The following SOX6 variants were observed in gnomAD, a reference collection of about 807,000 sequenced individuals.
The protein encoded by SOX6 is transcription factor SOX-6.
A neutral mutation model predicts 97.8 loss-of-function variants in SOX6; 11 were observed. The observed-to-expected ratio is 0.11, with a 90% CI of 0.07 to 0.19. The LOEUF is 0.19. SOX6 is among the 10% of genes least tolerant of loss of function. The pLI, the probability that SOX6 is intolerant of heterozygous loss-of-function variation, is 1.00. For synonymous variants in SOX6, 360 were observed against 371.4 expected, an observed-to-expected ratio of 0.97 and a Z score of 0.35; for missense variants, 810 against 1,039.5, an observed-to-expected ratio of 0.78 and a Z score of 3.04.
At chr11:16,141,140 A>G (rs190660775) in intron 6 of SOX6, among the ~76,000 whole-genome samples, 1 of 152,118 alleles carries the variant, frequency 6.6e-6, no homozygotes, top group Non-Finnish European at 1.5e-5. Context: ...CTTCATGCTC[A>G]TGCTCAGTAT....
At chr11:16,713,637 C>A (rs1427967216) in intron 3 of SOX6, among the ~76,000 whole-genome samples, 3 of 152,068 alleles carry the variant, frequency 2.0e-5, no homozygotes, top group African/African-American at 7.2e-5. Context: ...AGCAAAGTAT[C>A]TAGAGTTAAT....
intron 4 of SOX6, among the ~76,000 whole-genome samples, chr11:16,537,132 G>A (rs188102831): frequency 4.9e-4 from 74 of 152,198 alleles, no homozygotes; most frequent in African/African-American, 1.6e-3. Flanking sequence ...AATATTTTCC[G>A]TTCTGCAATA....
chr11:16,066,895 G>C (rs1848106585), intron 9 of SOX6, among the ~76,000 whole-genome samples: 1 of 152,122 alleles, frequency 6.6e-6, no homozygotes, highest in Non-Finnish European at 1.5e-5. Flanking sequence ...GCATCAGTTT[G>C]ACCTAGATGT....
chr11:16,578,343 TAG>T (rs1848002314), intron 4 of SOX6, among the ~76,000 whole-genome samples: 1 of 152,196 alleles, frequency 6.6e-6, no homozygotes, highest in African/African-American at 2.4e-5. Flanking sequence ...AAATTGCATG[TAG>T]AGTTTTTTTA....
chr11:16,090,229 A>G (rs1331694422), intron 9 of SOX6, among the ~76,000 whole-genome samples: 1 of 152,088 alleles, frequency 6.6e-6, no homozygotes, highest in Non-Finnish European at 1.5e-5. Context: ...ATCAGGAGAG[A>G]TAGAGGACTA....
At chr11:16,527,654 A>G (rs1861186489) in intron 4 of SOX6, among the ~76,000 whole-genome samples, 1 of 152,136 alleles carries the variant, frequency 6.6e-6, no homozygotes, top group Admixed American at 6.6e-5. Context: ...CAAATGCCAT[A>G]TCTGTACGAA....
intron 1 of SOX6, among the ~76,000 whole-genome samples, chr11:16,384,151 A>C (rs1380417977): frequency 6.6e-6 from 1 of 151,958 alleles, no homozygotes. Context: ...AACAGGAACT[A>C]TCTCTGAAAA....
chr11:16,638,938 T>A (rs1185831250), intron 3 of SOX6, among the ~76,000 whole-genome samples: 1 of 152,214 alleles, frequency 6.6e-6, no homozygotes. Context: ...ATCCCATTTG[T>A]CAATTTTGGC....
intron 4 of SOX6, among the ~76,000 whole-genome samples, chr11:16,525,199 G>T (rs1368523817): frequency 1.3e-5 from 2 of 152,164 alleles, no homozygotes; most frequent in African/African-American, 4.8e-5. Context: ...AAAGAACAAA[G>T]ATGGAAGCAC....
At chr11:16,638,311 G>C (rs1848826793) in intron 3 of SOX6, among the ~76,000 whole-genome samples, 1 of 152,004 alleles carries the variant, frequency 6.6e-6, no homozygotes, top group Admixed American at 6.6e-5. Flanking sequence ...ATCATTGTTG[G>C]ACATTTGGGT....
At chr11:16,384,603 T>C (rs1263259868) in intron 1 of SOX6, among the ~76,000 whole-genome samples, 13 of 151,742 alleles carry the variant, frequency 8.6e-5, no homozygotes, top group Admixed American at 6.6e-5. Context: ...TAAAAAAAAA[T>C]GTTTAAACAA....
At chr11:16,598,874 G>A (rs1403050773) in intron 4 of SOX6, among the ~76,000 whole-genome samples, 1 of 143,216 alleles carries the variant, frequency 7.0e-6, no homozygotes, top group African/African-American at 2.4e-5. Context: ...TAAGATGACT[G>A]GAAACAACAA....
rs372775216 is a variant in SOX6, at chr11:16,026,832, TA to T, written c.1624-11783del. On this transcript the variant is annotated intron_variant, in intron 12 of 15. Transcript: ENST00000683767. Reference sequence around the variant, plus strand: ...GAAACTGTTTTCATTTCATACAAACTAAAAAAAAATTCTGAAATTGAAATTT... The same window carrying T: ...GAAACTGTTTTCATTTCATACAAACTAAAAAAAATTCTGAAATTGAAATTT... Among the ~76,000 whole-genome samples, 154 of 151,404 alleles carry T rather than the reference TA, an allele frequency of 1.0e-3. 3 individuals carry two copies. Among genetic ancestry groups the T allele is most frequent in the Admixed American group, 3.5e-3 (53 of 15,178 alleles).
At chr11:16,216,021 G>A (rs550892911) in intron 4 of SOX6, among the ~76,000 whole-genome samples, 24 of 152,136 alleles carry the variant, frequency 1.6e-4, no homozygotes, top group Non-Finnish European at 2.9e-4. Context: ...TCAAATCCTG[G>A]TTTAGCCACT....
At chr11:16,306,017 C>T (rs1225795026) in intron 3 of SOX6, among the ~76,000 whole-genome samples, 1 of 151,984 alleles carries the variant, frequency 6.6e-6, no homozygotes, top group African/African-American at 2.4e-5. Flanking sequence ...CAAAACTGTT[C>T]AGCATTTGAC....
At chr11:16,733,946 G>A (rs1848371372) in intron 2 of SOX6, among the ~76,000 whole-genome samples, 1 of 149,288 alleles carries the variant, frequency 6.7e-6, no homozygotes, top group Non-Finnish European at 1.5e-5. Context: ...AGAATGGCAT[G>A]AACCTGGAAG....
chr11:16,354,506 A>G (rs1275217231), intron 1 of SOX6, among the ~76,000 whole-genome samples: 1 of 152,004 alleles, frequency 6.6e-6, no homozygotes, highest in Non-Finnish European at 1.5e-5. Flanking sequence ...ACTGTTTCTC[A>G]AAAGGGGTAT....
chr11:16,320,372 G>T (rs2134305457), intron 2 of SOX6, among the ~76,000 whole-genome samples: 1 of 152,166 alleles, frequency 6.6e-6, no homozygotes, highest in South Asian at 2.1e-4. Flanking sequence ...AAAGGAAAAT[G>T]ATATCTACAG....
chr11:16,362,994 GTTC>G (rs1373274736), intron 1 of SOX6, among the ~76,000 whole-genome samples: 1 of 152,094 alleles, frequency 6.6e-6, no homozygotes, highest in Non-Finnish European at 1.5e-5. Flanking sequence ...TGGTCTCACT[GTTC>G]TTCTTTCATT....
Sources: gnomAD v4.1 joint callset for allele counts (sites outside exome capture counted in the v4.1 genomes callset) on GRCh38, gnomAD v4.1.1 for gene constraint, MANE v1.5 for transcripts, NCBI Gene and HGNC (gene_info 2026-07-23, HGNC 2026-07-21) for gene names.